Variants in RPS6KC1 observed in about 807,000 individuals in gnomAD.
RPS6KC1 encodes the protein ribosomal protein S6 kinase C1.
Under a neutral mutation model 103.8 loss-of-function variants are expected in RPS6KC1, and 54 were observed. The ratio of observed to expected loss-of-function variants is 0.52; its 90% CI spans 0.42 to 0.65. The LOEUF is 0.65. Among genes scored for constraint, RPS6KC1 ranks in the 30% least tolerant of loss-of-function variants. The probability of loss-of-function intolerance (pLI) is 0.00; values close to 1 mark genes in which losing one functional copy is unlikely to be tolerated. For missense variants in RPS6KC1, 1,151 were observed against 1,253.8 expected (o/e 0.92, Z 1.24); for synonymous variants, 439 against 438.7 (o/e 1.00, Z -0.01).
chr1:213,486,463 T>C, the RPS6KC1 span, among the ~76,000 whole-genome samples: 1 of 152,148 alleles, frequency 6.6e-6, no homozygotes, highest in East Asian at 1.9e-4. Context: ...AGTACACACA[T>C]AGGACTCTGG....
chr1:213,596,534 A>T, the RPS6KC1 span, among the ~76,000 whole-genome samples: 1 of 152,230 alleles, frequency 6.6e-6, no homozygotes, highest in African/African-American at 2.4e-5. Context: ...TTCACTATCA[A>T]CATGTGTCCA....
chr1:213,840,919 ACTT>A, the RPS6KC1 span: 3 of 152,012 alleles, frequency 2.0e-5, no homozygotes, highest in African/African-American at 7.3e-5. Flanking sequence ...GGACAAGAAA[ACTT>A]CTTTTCCCAT....
At chr1:213,730,741 T>C in the RPS6KC1 span, among the ~76,000 whole-genome samples, 1 of 152,220 alleles carries the variant, frequency 6.6e-6, no homozygotes, top group African/African-American at 2.4e-5. Flanking sequence ...ATTCTGTTGA[T>C]AGTTTCTTTT....
chr1:213,492,537 G>A, the RPS6KC1 span: 4 of 152,220 alleles, frequency 2.6e-5, no homozygotes, highest in East Asian at 1.9e-4. Flanking sequence ...GTCTTTGTGT[G>A]AAGGATTCTC....
intron 8 of RPS6KC1, among the ~76,000 whole-genome samples, chr1:213,221,283 T>C (rs1047943042): frequency 6.6e-6 from 1 of 152,068 alleles, no homozygotes; most frequent in African/African-American, 2.4e-5. Flanking sequence ...GCCATTGGAG[T>C]CCCCTGTGAC....
intron 1 of RPS6KC1, among the ~76,000 whole-genome samples, chr1:213,058,058 CCT>C (rs2077498717): frequency 7.2e-6 from 1 of 139,732 alleles, no homozygotes; most frequent in South Asian, 2.3e-4. Flanking sequence ...GTGCGCCTGA[CCT>C]TTTTTTTTTT....
the RPS6KC1 span, among the ~76,000 whole-genome samples, chr1:213,850,152 A>G: frequency 6.6e-6 from 1 of 152,184 alleles, no homozygotes; most frequent in Admixed American, 6.5e-5. Context: ...TAATTGTGAT[A>G]ACAGTAATCT....
At chr1:213,137,728 T>C (rs2086454529) in intron 6 of RPS6KC1, among the ~76,000 whole-genome samples, 1 of 147,812 alleles carries the variant, frequency 6.8e-6, no homozygotes, top group South Asian at 2.1e-4. Flanking sequence ...TGTTTTTTCC[T>C]GTGCTTTGGT....
At chr1:213,526,177 T>A in the RPS6KC1 span, among the ~76,000 whole-genome samples, 1 of 152,168 alleles carries the variant, frequency 6.6e-6, no homozygotes, top group Non-Finnish European at 1.5e-5. Context: ...TGCAGGTAGA[T>A]GTAAACGTGT....
chr1:213,187,275 A>T, intron 8 of RPS6KC1, among the ~76,000 whole-genome samples: 1 of 137,686 alleles, frequency 7.3e-6, no homozygotes, highest in African/African-American at 2.7e-5. Context: ...TTGAGACAGG[A>T]TCTCACTCTG....
the RPS6KC1 span, among the ~76,000 whole-genome samples, chr1:213,509,710 G>A: frequency 6.6e-6 from 1 of 152,188 alleles, no homozygotes; most frequent in Non-Finnish European, 1.5e-5. Flanking sequence ...CAAAGGGTAA[G>A]CAGTACCTTC....
chr1:213,304,205 C>CAA, the RPS6KC1 span, among the ~76,000 whole-genome samples: 238 of 70,504 alleles, frequency 3.4e-3, no homozygotes, highest in African/African-American at 0.011. Flanking sequence ...GACTCCATCT[C>CAA]AAAAAAAAAA....
chr1:213,185,294 T>C (rs1170112421), intron 8 of RPS6KC1, among the ~76,000 whole-genome samples: 1 of 152,212 alleles, frequency 6.6e-6, no homozygotes, highest in East Asian at 1.9e-4. Flanking sequence ...GGTAGGTTTC[T>C]TGAAGACAGC....
At chr1:213,599,451 G>T in the RPS6KC1 span, among the ~76,000 whole-genome samples, 1 of 150,582 alleles carries the variant, frequency 6.6e-6, no homozygotes, top group Non-Finnish European at 1.5e-5. Context: ...AAAAAAGAGT[G>T]TCACTTCTGG....
At chr1:213,564,391 G>A in the RPS6KC1 span, among the ~76,000 whole-genome samples, 1 of 152,198 alleles carries the variant, frequency 6.6e-6, no homozygotes, top group South Asian at 2.1e-4. Context: ...TTAGTGTTAG[G>A]TTCTGCCAAT....
chr1:213,835,519 C>G, the RPS6KC1 span, among the ~76,000 whole-genome samples: 1 of 152,194 alleles, frequency 6.6e-6, no homozygotes, highest in Admixed American at 6.5e-5. Context: ...GAGAGCCAGA[C>G]TTGGCAGGGA....
At chr1:213,390,660 T>C in the RPS6KC1 span, among the ~76,000 whole-genome samples, 3 of 152,152 alleles carry the variant, frequency 2.0e-5, no homozygotes, top group African/African-American at 7.2e-5. Context: ...GTCTTCAATA[T>C]TTGGTGCATC....
At chr1:213,830,169 G>A in the RPS6KC1 span, among the ~76,000 whole-genome samples, 4 of 152,108 alleles carry the variant, frequency 2.6e-5, no homozygotes, top group East Asian at 1.9e-4. Flanking sequence ...CTTTTGCATC[G>A]CTGATACAAG....
At chr1:213,530,032 TTTATTATTATTATTA>T in the RPS6KC1 span, among the ~76,000 whole-genome samples, 165 of 149,144 alleles carry the variant, frequency 1.1e-3, no homozygotes, top group African/African-American at 3.6e-3. Context: ...CTTCACTTCT[TTTATTATTATTATTA>T]TTATTATTAT....
Sources: allele counts gnomAD v4.1 joint callset (sites outside exome capture counted in the v4.1 genomes callset), GRCh38; gene constraint gnomAD v4.1.1; transcripts MANE v1.5; gene names NCBI Gene and HGNC (gene_info 2026-07-23, HGNC 2026-07-21).